HCN1: variants seen among roughly 807,000 people sequenced by gnomAD.
HCN1 encodes the protein potassium/sodium hyperpolarization-activated cyclic nucleotide-gated channel 1.
In HCN1, 13 loss-of-function variants were observed where a neutral mutation model predicts 78.9. The ratio of observed to expected loss-of-function variants is 0.16; its 90% confidence interval spans 0.11 to 0.26. HCN1 has a LOEUF of 0.26. Ranked by LOEUF, HCN1 falls within the 10% of genes least tolerant of loss-of-function variation. The pLI is 1.00. For missense variants in HCN1, 810 were observed against 1,154.3 expected, an observed-to-expected ratio of 0.70 and a Z score of 4.32; for synonymous variants, 552 against 455.5, an observed-to-expected ratio of 1.21 and a Z score of -2.70.
At chr5:45,444,800 T>TTTA (rs201615072) in intron 3 of HCN1, among the ~76,000 whole-genome samples, 12 of 151,604 alleles carry the variant, frequency 7.9e-5, no homozygotes, top group East Asian at 1.9e-4. Context: ...TTTTCTTTCT[T>TTTA]TTATTATTAT....
chr5:45,433,534 C>G (rs558478961), intron 3 of HCN1, among the ~76,000 whole-genome samples: 2 of 151,868 alleles, frequency 1.3e-5, no homozygotes, highest in Admixed American at 1.3e-4. Flanking sequence ...TCCAACTTGG[C>G]ACTCTGTGCC....
chr5:45,330,955 C>A (rs1299256407), intron 5 of HCN1, among the ~76,000 whole-genome samples: 1 of 151,022 alleles, frequency 6.6e-6, no homozygotes, highest in Non-Finnish European at 1.5e-5. Context: ...ATTTTATATG[C>A]CTTTGTATCT....
At chr5:45,291,399 C>T (rs1408344868) in intron 6 of HCN1, among the ~76,000 whole-genome samples, 2 of 152,008 alleles carry the variant, frequency 1.3e-5, no homozygotes, top group African/African-American at 4.8e-5. Flanking sequence ...ATCTTTCAAC[C>T]TATCTCTCTG....
intron 2 of HCN1, among the ~76,000 whole-genome samples, chr5:45,472,795 T>A (rs761268461): frequency 6.6e-6 from 1 of 152,044 alleles, no homozygotes; most frequent in Non-Finnish European, 1.5e-5. Context: ...TATACACATT[T>A]CATTTGTAAT....
intron 4 of HCN1, among the ~76,000 whole-genome samples, chr5:45,389,890 T>C (rs773855057): frequency 5.9e-5 from 9 of 152,296 alleles, no homozygotes; most frequent in East Asian, 1.9e-4. Flanking sequence ...AATTCAGACT[T>C]ACCATTGCTA....
At chr5:45,595,641 A>G (rs1419867662) in intron 2 of HCN1, among the ~76,000 whole-genome samples, 1 of 152,148 alleles carries the variant, frequency 6.6e-6, no homozygotes, top group African/African-American at 2.4e-5. Flanking sequence ...AGTTAAATGA[A>G]TAGAGACTTT....
intron 3 of HCN1, among the ~76,000 whole-genome samples, chr5:45,436,496 T>C (rs1193092567): frequency 6.6e-6 from 1 of 152,104 alleles, no homozygotes; most frequent in East Asian, 1.9e-4. Context: ...CATGATAGAA[T>C]AATAAAATAG....
At chr5:45,499,879 C>A (rs552422483) in intron 2 of HCN1, among the ~76,000 whole-genome samples, 2 of 152,126 alleles carry the variant, frequency 1.3e-5, no homozygotes, top group Admixed American at 1.3e-4. Context: ...CTCTTCCCAG[C>A]CTACTCTGTT....
At chr5:45,291,925 TG>T (rs1745386111) in intron 6 of HCN1, among the ~76,000 whole-genome samples, 1 of 152,096 alleles carries the variant, frequency 6.6e-6, no homozygotes, top group East Asian at 1.9e-4. Context: ...AATTATTTTA[TG>T]TATACATTTG....
chr5:45,502,514 C>A (rs1742211186), intron 2 of HCN1, among the ~76,000 whole-genome samples: 1 of 152,142 alleles, frequency 6.6e-6, no homozygotes, highest in Non-Finnish European at 1.5e-5. Context: ...ATTGACTCTG[C>A]CACTCACTAG....
chr5:45,657,648 A>C (rs1199399692), intron 1 of HCN1, among the ~76,000 whole-genome samples: 1 of 152,214 alleles, frequency 6.6e-6, no homozygotes, highest in East Asian at 1.9e-4. Flanking sequence ...CAATTGCTTC[A>C]AAGAGAATAA....
intron 3 of HCN1, among the ~76,000 whole-genome samples, chr5:45,414,290 C>CA (rs910667269): frequency 2.0e-4 from 30 of 151,920 alleles, no homozygotes; most frequent in African/African-American, 6.3e-4. Flanking sequence ...CTCACCTTCC[C>CA]AAAAAACAAT....
intron 2 of HCN1, among the ~76,000 whole-genome samples, chr5:45,521,934 A>C (rs528735447): frequency 1.3e-4 from 19 of 151,850 alleles, no homozygotes; most frequent in Non-Finnish European, 2.6e-4. Flanking sequence ...ACTAAAACTC[A>C]GAAGGTTTTA....
intron 4 of HCN1, among the ~76,000 whole-genome samples, chr5:45,373,266 TTA>T (rs1364122440): frequency 7.5e-5 from 9 of 119,596 alleles, no homozygotes; most frequent in Admixed American, 1.0e-4. Flanking sequence ...ATATTATATA[TTA>T]TATATATTTT....
At chr5:45,383,033 T>C (rs1045039376) in intron 4 of HCN1, among the ~76,000 whole-genome samples, 2 of 152,028 alleles carry the variant, frequency 1.3e-5, no homozygotes, top group Non-Finnish European at 2.9e-5. Context: ...TAACGTTTGT[T>C]TGTAAAGTGT....
chr5:45,447,522 C>T (rs528887698), intron 3 of HCN1, among the ~76,000 whole-genome samples: 18 of 152,286 alleles, frequency 1.2e-4, no homozygotes, highest in African/African-American at 4.1e-4. Flanking sequence ...CGATTACAGG[C>T]ATGAGCCACT....
At chr5:45,543,013 T>C (rs1204060362) in intron 2 of HCN1, among the ~76,000 whole-genome samples, 1 of 152,140 alleles carries the variant, frequency 6.6e-6, no homozygotes, top group African/African-American at 2.4e-5. Flanking sequence ...AAGCCAGCTA[T>C]GATTACATTT....
chr5:45,373,688 A>G (rs1747496107), intron 4 of HCN1, among the ~76,000 whole-genome samples: 2 of 124,744 alleles, frequency 1.6e-5, no homozygotes, highest in South Asian at 2.5e-4. Flanking sequence ...ATAATATATT[A>G]CATACGGTAT....
At chr5:45,290,626 A>G (rs1304981607) in intron 6 of HCN1, among the ~76,000 whole-genome samples, 3 of 152,084 alleles carry the variant, frequency 2.0e-5, no homozygotes, top group Non-Finnish European at 4.4e-5. Flanking sequence ...TTAATTTTAT[A>G]AAACTTATTC....
Sources: gnomAD v4.1 joint callset for allele counts (sites outside exome capture counted in the v4.1 genomes callset) on GRCh38, gnomAD v4.1.1 for gene constraint, MANE v1.5 for transcripts, NCBI Gene and HGNC (gene_info 2026-07-23, HGNC 2026-07-21) for gene names.